GALNT13: variants seen among roughly 807,000 people sequenced by gnomAD.
GALNT13 encodes polypeptide N-acetylgalactosaminyltransferase 13.
GALNT13 carries 28 observed loss-of-function variants against 64.2 expected under a neutral mutation model. The observed-to-expected ratio is 0.44, with a 90% CI of 0.32 to 0.60. The LOEUF is 0.60. Among genes scored for constraint, GALNT13 ranks in the 20% least tolerant of loss-of-function variants. The pLI is 0.05. For synonymous variants in GALNT13, 214 were observed against 224.6 expected, an observed-to-expected ratio of 0.95 and a Z score of 0.42; for missense variants, 577 against 669.8, an observed-to-expected ratio of 0.86 and a Z score of 1.53.
At chr2:153,548,429 T>C in the GALNT13 span, among the ~76,000 whole-genome samples, 8 of 152,142 alleles carry the variant, frequency 5.3e-5, no homozygotes, top group Admixed American at 5.2e-4. Flanking sequence ...CAAAAGATAT[T>C]AAGGGAAATG....
chr2:153,374,333 T>G, the GALNT13 span, among the ~76,000 whole-genome samples: 1 of 152,202 alleles, frequency 6.6e-6, no homozygotes, highest in Non-Finnish European at 1.5e-5. Context: ...TTCCTAATGA[T>G]TAGTAATGTT....
At chr2:154,219,645 A>C (rs1029991611) in intron 4 of GALNT13, among the ~76,000 whole-genome samples, 20 of 152,218 alleles carry the variant, frequency 1.3e-4, no homozygotes, top group African/African-American at 4.3e-4. Flanking sequence ...TTACCAACCC[A>C]ATCCTGCTCC....
the GALNT13 span, among the ~76,000 whole-genome samples, chr2:153,370,307 C>T: frequency 6.6e-6 from 1 of 152,058 alleles, no homozygotes; most frequent in Non-Finnish European, 1.5e-5. Flanking sequence ...AAGAATATTT[C>T]CCAACTCATC....
At chr2:153,627,987 G>C in the GALNT13 span, among the ~76,000 whole-genome samples, 1 of 152,106 alleles carries the variant, frequency 6.6e-6, no homozygotes, top group African/African-American at 2.4e-5. Flanking sequence ...CCATGAGCAT[G>C]GAATGTTCTT....
At chr2:153,078,586 C>T in the GALNT13 span, among the ~76,000 whole-genome samples, 3,780 of 152,152 alleles carry the variant, frequency 0.025, 161 homozygotes, top group African/African-American at 0.084. Flanking sequence ...GCTGGGATTA[C>T]GGGCATGAGC....
chr2:153,730,901 T>C, the GALNT13 span, among the ~76,000 whole-genome samples: 10,777 of 151,918 alleles, frequency 0.071, 400 homozygotes, highest in African/African-American at 0.094. Context: ...CAGATGTTGA[T>C]GGGGATTCAG....
chr2:153,925,412 G>A lies in GALNT13; in HGVS notation c.-104-18982G>A, dbSNP rs1044390251. On this transcript the variant is annotated intron_variant, in intron 2 of 12. Coordinates refer to ENST00000392825, the MANE Select transcript of GALNT13 (RefSeq NM_052917.4). ...TCTGCATTCTGTTCCATTGGTCTAT[G>A]TGTCTGTTCTTGTACCTGTACCATG... 4.0e-5 allele frequency among the ~76,000 whole-genome samples: 6 copies of A among 151,372 alleles called. No homozygotes were observed. The East Asian group carries it at 1.2e-3, about 29-fold the overall frequency.
chr2:153,215,382 AT>A, the GALNT13 span, among the ~76,000 whole-genome samples: 2 of 152,136 alleles, frequency 1.3e-5, no homozygotes, highest in South Asian at 2.1e-4. Flanking sequence ...ACACATTAGC[AT>A]TTTTATTGCC....
At chr2:154,059,277 G>T (rs1700053680) in intron 3 of GALNT13, among the ~76,000 whole-genome samples, 1 of 152,122 alleles carries the variant, frequency 6.6e-6, no homozygotes, top group South Asian at 2.1e-4. Context: ...ATGAAAGGAA[G>T]ATAAAAATAA....
At chr2:153,892,740 G>T (rs1165751290) in intron 1 of GALNT13, among the ~76,000 whole-genome samples, 1 of 151,622 alleles carries the variant, frequency 6.6e-6, no homozygotes, top group Non-Finnish European at 1.5e-5. Context: ...CTTTATTTGG[G>T]TCATTTTTAA....
At chr2:153,824,942 C>T in the GALNT13 span, among the ~76,000 whole-genome samples, 1 of 152,068 alleles carries the variant, frequency 6.6e-6, no homozygotes, top group Non-Finnish European at 1.5e-5. Flanking sequence ...TTCCGTACAC[C>T]CTGTAGAAAT....
At chr2:154,340,302 G>A (rs1246031783) in intron 9 of GALNT13, among the ~76,000 whole-genome samples, 2 of 151,938 alleles carry the variant, frequency 1.3e-5, no homozygotes, top group African/African-American at 4.8e-5. Context: ...GTTACGCAGA[G>A]GGCCTAGGAC....
chr2:153,862,181 T>C, the GALNT13 span, among the ~76,000 whole-genome samples: 6 of 152,140 alleles, frequency 3.9e-5, no homozygotes, highest in African/African-American at 1.4e-4. Context: ...TAAAAATAAA[T>C]TGTACTACAA....
intron 9 of GALNT13, among the ~76,000 whole-genome samples, chr2:154,361,417 A>G (rs1016801617): frequency 2.0e-5 from 3 of 152,114 alleles, no homozygotes; most frequent in African/African-American, 7.2e-5. Context: ...TCTTTCAGCC[A>G]AAACCTTTTG....
At chr2:153,847,857 G>A in the GALNT13 span, among the ~76,000 whole-genome samples, 8 of 152,108 alleles carry the variant, frequency 5.3e-5, no homozygotes. Flanking sequence ...TTGGTGAAGT[G>A]TGAAAGTACA....
intron 3 of GALNT13, among the ~76,000 whole-genome samples, chr2:154,021,186 T>C (rs1697454442): frequency 6.6e-6 from 1 of 152,200 alleles, no homozygotes; most frequent in African/African-American, 2.4e-5. Flanking sequence ...CGATGCGGGC[T>C]CTTTTTTGGT....
chr2:153,675,817 T>C, the GALNT13 span, among the ~76,000 whole-genome samples: 1 of 152,074 alleles, frequency 6.6e-6, no homozygotes, highest in Non-Finnish European at 1.5e-5. Flanking sequence ...TCAAAACTAA[T>C]GAAATCAAAG....
chr2:153,629,893 A>G, the GALNT13 span, among the ~76,000 whole-genome samples: 32 of 148,706 alleles, frequency 2.2e-4, no homozygotes, highest in African/African-American at 8.1e-4. Flanking sequence ...AAACACATGA[A>G]AAAATGCTCA....
At chr2:154,126,331 T>G (rs947541330) in intron 3 of GALNT13, among the ~76,000 whole-genome samples, 5 of 152,072 alleles carry the variant, frequency 3.3e-5, no homozygotes, top group Non-Finnish European at 7.4e-5. Flanking sequence ...AAAACATGTT[T>G]GTGCATTAGA....
Sources: allele counts gnomAD v4.1 joint callset (sites outside exome capture counted in the v4.1 genomes callset), GRCh38; gene constraint gnomAD v4.1.1; transcripts MANE v1.5; gene names NCBI Gene and HGNC (gene_info 2026-07-23, HGNC 2026-07-21).